Variants in ARHGEF10L observed in about 807,000 individuals in gnomAD.
ARHGEF10L encodes the protein rho guanine nucleotide exchange factor 10-like protein.
A neutral mutation model predicts 141.2 loss-of-function variants in ARHGEF10L; 69 were observed. The observed-to-expected ratio is 0.49, with a 90% CI of 0.40 to 0.60. The LOEUF is 0.60. ARHGEF10L is among the 20% of genes least tolerant of loss of function. ARHGEF10L has a pLI of 0.00. For missense variants in ARHGEF10L, 1,482 were observed against 1,734.3 expected (o/e 0.85, Z 2.58); for synonymous variants, 711 against 718.5 (o/e 0.99, Z 0.17).
intron 1 of ARHGEF10L, among the ~76,000 whole-genome samples, chr1:17,570,315 A>C (rs2077940296): frequency 6.6e-6 from 1 of 152,188 alleles, no homozygotes; most frequent in Non-Finnish European, 1.5e-5. Context: ...GGGTCAGGGC[A>C]TGTGTGTGGG....
At chr1:17,658,864 G>C (rs1481289285) in intron 25 of ARHGEF10L, among the ~76,000 whole-genome samples, 4 of 152,158 alleles carry the variant, frequency 2.6e-5, no homozygotes, top group African/African-American at 9.7e-5. Flanking sequence ...GGGGATCCTG[G>C]GGCTGAGATC....
chr1:17,682,360 T>G (rs1192111266), intron 26 of ARHGEF10L, among the ~76,000 whole-genome samples: 1 of 152,158 alleles, frequency 6.6e-6, no homozygotes, highest in East Asian at 1.9e-4. Context: ...ATAACATCAG[T>G]GTATCTCAGT....
At chr1:17,525,341 G>T in the ARHGEF10L span, among the ~76,000 whole-genome samples, 1 of 152,216 alleles carries the variant, frequency 6.6e-6, no homozygotes, top group Admixed American at 6.5e-5. Context: ...GTCATGGTTG[G>T]TTTGAGCCAA....
chr1:17,557,880 T>C (rs2077397807), intron 1 of ARHGEF10L, among the ~76,000 whole-genome samples: 1 of 152,132 alleles, frequency 6.6e-6, no homozygotes, highest in African/African-American at 2.4e-5. Flanking sequence ...TCAGACTAAA[T>C]ACTTGGGGTA....
At chr1:17,553,883 G>T (rs1409718461) in intron 1 of ARHGEF10L, among the ~76,000 whole-genome samples, 1 of 152,176 alleles carries the variant, frequency 6.6e-6, no homozygotes, top group Non-Finnish European at 1.5e-5. Context: ...GCTGCATCAT[G>T]AATTATTTTT....
chr1:17,647,057 C>T (rs1320956520), intron 21 of ARHGEF10L, among the ~76,000 whole-genome samples: 2 of 152,060 alleles, frequency 1.3e-5, no homozygotes, highest in African/African-American at 2.4e-5. Flanking sequence ...CTCCGGCTGA[C>T]CTGGCGCCTC....
rs1304870929 is a variant in ARHGEF10L, at chr1:17,676,130, G to A, written c.3010-11443G>A. On this transcript the variant is annotated intron_variant, in intron 26 of 28. Coordinates refer to ENST00000361221, the MANE Select transcript of ARHGEF10L (RefSeq NM_018125.4). ...TGTACGTGCAGGCATGGGTGCAGGCGTGGGTGCAGGTGTAGGTGCAGGTGT... is the reference window on the plus strand; with the variant it reads ...TGTACGTGCAGGCATGGGTGCAGGCATGGGTGCAGGTGTAGGTGCAGGTGT... 2.2e-4 allele frequency among the ~76,000 whole-genome samples: 33 copies of A among 146,932 alleles called. 1 individual carries two copies. The highest frequency in any genetic ancestry group is 7.1e-4 in the African/African-American group (28 of 39,618).
At chr1:17,668,254 C>T (rs957672342) in intron 26 of ARHGEF10L, among the ~76,000 whole-genome samples, 2 of 152,228 alleles carry the variant, frequency 1.3e-5, no homozygotes, top group Non-Finnish European at 2.9e-5. Flanking sequence ...TCGGTGTTGT[C>T]AGTGGGTGTG....
intron 22 of ARHGEF10L, among the ~76,000 whole-genome samples, chr1:17,649,745 G>A (rs954820439): frequency 6.6e-5 from 10 of 152,222 alleles, no homozygotes; most frequent in African/African-American, 1.9e-4. Context: ...CAGTAGATAC[G>A]TGGGTGGGCT....
chr1:17,553,959 A>G (rs898517485), intron 1 of ARHGEF10L, among the ~76,000 whole-genome samples: 4 of 152,118 alleles, frequency 2.6e-5, no homozygotes, highest in African/African-American at 9.7e-5. Context: ...GAGACACAAA[A>G]CGTTTAGCTA....
intron 4 of ARHGEF10L, among the ~76,000 whole-genome samples, chr1:17,593,018 C>T (rs1002147923): frequency 3.9e-5 from 6 of 152,184 alleles, no homozygotes; most frequent in Admixed American, 3.3e-4. Context: ...GAAACAAGGG[C>T]TCCCAGTTTC....
rs530540817 is a variant in ARHGEF10L, at chr1:17,664,777, A to G, written c.3009+182A>G. On this transcript the variant is annotated intron_variant, in intron 26 of 28. Transcript: ENST00000361221. ...ATTGGGCCTGACCTCTTCCTCTGCC[A>G]CACATCGCCAAGGCTACCAAGAACA... 2.6e-5 allele frequency among the ~76,000 whole-genome samples: 4 copies of G among 152,322 alleles called. No individual in the cohort carries two copies. In the East Asian group the frequency reaches 7.7e-4, roughly 29 times the overall value.
intron 3 of ARHGEF10L, among the ~76,000 whole-genome samples, chr1:17,587,987 G>T (rs577868420): frequency 1.3e-5 from 2 of 152,358 alleles, no homozygotes; most frequent in South Asian, 2.1e-4. Context: ...CCTCCCAGAG[G>T]TTCCCTCTCC....
intron 2 of ARHGEF10L, among the ~76,000 whole-genome samples, chr1:17,584,241 C>T (rs2078837330): frequency 6.6e-6 from 1 of 152,070 alleles, no homozygotes; most frequent in Non-Finnish European, 1.5e-5. Flanking sequence ...GACAAGGTCT[C>T]ACCATGTTAC....
intron 22 of ARHGEF10L, among the ~76,000 whole-genome samples, chr1:17,653,401 C>T (rs2062044191): frequency 6.6e-6 from 1 of 152,242 alleles, no homozygotes; most frequent in Non-Finnish European, 1.5e-5. Context: ...TTTCCACCAT[C>T]TTCGACCCGG....
intron 7 of ARHGEF10L, among the ~76,000 whole-genome samples, chr1:17,612,487 CCTCT>C (rs1471819270): frequency 6.6e-6 from 1 of 152,090 alleles, no homozygotes; most frequent in African/African-American, 2.4e-5. Context: ...TCCATCCATC[CCTCT>C]ATGAGCCTGT....
intron 12 of ARHGEF10L, among the ~76,000 whole-genome samples, chr1:17,624,095 T>G (rs975922850): frequency 6.6e-6 from 1 of 152,222 alleles, no homozygotes; most frequent in African/African-American, 2.4e-5. Flanking sequence ...GGGCTTGGGC[T>G]GCTGCACTGG....
At chr1:17,526,466 G>A in the ARHGEF10L span, among the ~76,000 whole-genome samples, 73 of 152,326 alleles carry the variant, frequency 4.8e-4, no homozygotes, top group Non-Finnish European at 7.6e-4. Flanking sequence ...TGTGAACTTG[G>A]ATGAGTCACT....
intron 9 of ARHGEF10L, chr1:17,618,362 C>T (rs1459139503): frequency 2.6e-6 from 4 of 1,540,446 alleles, no homozygotes; most frequent in Admixed American, 2.0e-5. Context: ...GAATGTTACC[C>T]AGCAGCTCGT....
Sources: allele counts gnomAD v4.1 joint callset (sites outside exome capture counted in the v4.1 genomes callset), GRCh38; gene constraint gnomAD v4.1.1; transcripts MANE v1.5; gene names NCBI Gene and HGNC (gene_info 2026-07-23, HGNC 2026-07-21).